Variants in WDFY4 observed in about 807,000 individuals in gnomAD.
WDFY4 encodes the protein WDFY family member 4.
WDFY4 carries 169 observed loss-of-function variants against 351.9 expected under a neutral mutation model. That is an observed-to-expected ratio of 0.48 (90% CI 0.42 to 0.55). WDFY4 has a LOEUF of 0.55. Ranked by LOEUF, WDFY4 falls within the 20% of genes least tolerant of loss-of-function variation. The pLI, the probability that WDFY4 is intolerant of heterozygous loss-of-function variation, is 0.00. For synonymous variants in WDFY4, 1,622 were observed against 1,574.6 expected (o/e 1.03, Z -0.71); for missense variants, 3,803 against 3,935.6 (o/e 0.97, Z 0.90).
chr10:48,740,564 G>C (rs1446623386), intron 11 of WDFY4, among the ~76,000 whole-genome samples: 1 of 152,170 alleles, frequency 6.6e-6, no homozygotes, highest in Non-Finnish European at 1.5e-5. Context: ...CCACCATCCT[G>C]GAGGAACCTA....
chr10:48,805,530 A>T, intron 26 of WDFY4, 109 bp downstream of exon 26: 1 of 1,405,560 alleles, frequency 7.1e-7, no homozygotes, highest in Non-Finnish European at 9.4e-7. Flanking sequence ...ATCACTTGGA[A>T]CCTTCTAGGA....
chr10:48,971,301 C>G (rs1204625040), intron 57 of WDFY4, among the ~76,000 whole-genome samples: 1 of 152,154 alleles, frequency 6.6e-6, no homozygotes, highest in East Asian at 1.9e-4. Flanking sequence ...TCGAGACCAT[C>G]CTGGCTAATA....
intron 49 of WDFY4, among the ~76,000 whole-genome samples, chr10:48,943,807 C>A (rs554384080): frequency 3.3e-5 from 5 of 152,284 alleles, no homozygotes; most frequent in African/African-American, 1.2e-4. Context: ...GTTGGCCAGG[C>A]TGGTCTCGAA....
At chr10:48,823,402 A>G (rs2067894610) in intron 35 of WDFY4, 3 of 1,211,154 alleles carry the variant, frequency 2.5e-6, no homozygotes, top group Non-Finnish European at 3.1e-6. Flanking sequence ...AATTAGGAGG[A>G]CCACTCTCCT....
At chr10:48,735,547 C>T (rs749317395) in intron 10 of WDFY4, among the ~76,000 whole-genome samples, 2 of 151,780 alleles carry the variant, frequency 1.3e-5, no homozygotes, top group Non-Finnish European at 2.9e-5. Context: ...ACTTTAGTCA[C>T]CATGTTGTAC....
At chr10:48,772,133 AG>A (rs2065884145) in intron 13 of WDFY4, among the ~76,000 whole-genome samples, 1 of 152,120 alleles carries the variant, frequency 6.6e-6, no homozygotes, top group Non-Finnish European at 1.5e-5. Flanking sequence ...ACAGGGGTCC[AG>A]GTATGTGGGA....
At chr10:48,708,815 C>G (rs892604166) in intron 1 of WDFY4, among the ~76,000 whole-genome samples, 1 of 152,180 alleles carries the variant, frequency 6.6e-6, no homozygotes, top group East Asian at 1.9e-4. Context: ...ATAAAATACT[C>G]TAAAAATATC....
At chr10:48,774,403 T>A in intron 13 of WDFY4, 55 bp from the exon 14 acceptor site, 1 of 1,537,090 alleles carries the variant, frequency 6.5e-7, no homozygotes. Flanking sequence ...CTATAAAAGC[T>A]GTCCACAAGG....
At chr10:48,968,970 TC>T in intron 55 of WDFY4, 93 bp from the exon 56 acceptor site, 1 of 1,306,544 alleles carries the variant, frequency 7.7e-7, no homozygotes. Flanking sequence ...TAAGTTCAAG[TC>T]CAGTGTGTCT....
At chr10:48,777,087 A>C in intron 16 of WDFY4, 103 bp downstream of exon 16, 17 of 1,338,966 alleles carry the variant, frequency 1.3e-5, no homozygotes, top group Non-Finnish European at 1.7e-5. Flanking sequence ...ATTGAATCTC[A>C]CCACTCAGCA....
chr10:48,913,919 G>A (rs60751127), intron 47 of WDFY4: 45,509 of 1,614,066 alleles, frequency 0.028, 1,577 homozygotes, highest in African/African-American at 0.16. Context: ...TGCTGTGCAG[G>A]TCCAGCCACC....
At chr10:48,739,216 T>C (rs1476155249) in intron 11 of WDFY4, among the ~76,000 whole-genome samples, 1 of 152,232 alleles carries the variant, frequency 6.6e-6, no homozygotes, top group East Asian at 1.9e-4. Flanking sequence ...ATAAATCCTG[T>C]TAGTCCTAAC....
chr10:48,846,581 A>G (rs2068784056), intron 39 of WDFY4, among the ~76,000 whole-genome samples: 1 of 152,196 alleles, frequency 6.6e-6, no homozygotes. Context: ...TTTCAGGCTT[A>G]CCTATTTTTT....
chr10:48,764,534 G>A (rs924136366), intron 13 of WDFY4, among the ~76,000 whole-genome samples: 2 of 152,208 alleles, frequency 1.3e-5, no homozygotes, highest in African/African-American at 4.8e-5. Context: ...TGTGGCCGTG[G>A]GCTAGAGCTC....
At position 48,978,420 on chromosome 10, in the gene WDFY4, G is replaced by C. The variant is rs547084182; in HGVS notation, c.9376+27G>C. On this transcript the variant is annotated intron_variant, in intron 60 of 61. Coordinates refer to ENST00000325239, the MANE Select transcript of WDFY4 (RefSeq NM_001394531.1). Reference sequence around the variant, plus strand: ...TACCTGACCTGCTAGGGATGTGGCCGTCCTGGCCTTGCCCTGCCCTCCTCA... The same window carrying C: ...TACCTGACCTGCTAGGGATGTGGCCCTCCTGGCCTTGCCCTGCCCTCCTCA... The C allele has an allele frequency of 1.6e-5, 24 of 1,536,620 alleles. No individual in the cohort carries two copies. The Admixed American group carries it at 1.8e-4, about 12-fold the overall frequency.
intron 47 of WDFY4, among the ~76,000 whole-genome samples, chr10:48,933,101 A>G (rs2671708): frequency 0.97 from 147,390 of 152,202 alleles, 71,557 homozygotes; most frequent in East Asian, 1. Context: ...TCTGTGCTGA[A>G]GGGCATGGCA....
rs570390466 is a variant in WDFY4, at chr10:48,902,010, T to C, written c.7586+147T>C. On this transcript the variant is annotated intron_variant, in intron 47 of 61. Coordinates refer to ENST00000325239, the MANE Select transcript of WDFY4 (RefSeq NM_001394531.1). ...TCTCTCTCCTATTCCTATACATCCT[T>C]CATCCTACTCCTGAAATTCCTTCTG... 19 of 741,060 alleles carry C rather than the reference T, an allele frequency of 2.6e-5. No individual in the cohort carries two copies. The East Asian group carries it at 5.1e-4, about 20-fold the overall frequency. 45.9% of individuals were successfully genotyped at this position (741,060 alleles called of 1,614,324 possible). A position where few individuals can be genotyped will look rare whatever the true frequency, so the allele number is the denominator to read the frequency against.
At chr10:48,960,563 T>C (rs1019506519) in intron 53 of WDFY4, among the ~76,000 whole-genome samples, 3 of 152,242 alleles carry the variant, frequency 2.0e-5, no homozygotes, top group Non-Finnish European at 4.4e-5. Context: ...GCATTTTCCC[T>C]TGTAGATATT....
chr10:48,802,804 T>A (rs2067129101), intron 24 of WDFY4: 2 of 472,880 alleles, frequency 4.2e-6, no homozygotes, highest in Non-Finnish European at 4.4e-6. Flanking sequence ...GTCAGTACAG[T>A]GTAAAACCTG....
Sources: allele counts gnomAD v4.1 joint callset (sites outside exome capture counted in the v4.1 genomes callset), GRCh38; gene constraint gnomAD v4.1.1; transcripts MANE v1.5; gene names NCBI Gene and HGNC (gene_info 2026-07-23, HGNC 2026-07-21).